Variants in TACR3 observed in about 807,000 individuals in gnomAD.
The protein encoded by TACR3 is tachykinin receptor 3.
In TACR3, 34 loss-of-function variants were observed where a neutral mutation model predicts 35.0. The ratio of observed to expected loss-of-function variants is 0.97; its 90% CI spans 0.74 to 1.30. The LOEUF is 1.30. TACR3 is among the 50% of genes most tolerant of loss of function. The probability of loss-of-function intolerance (pLI) is 0.00; values close to 1 mark genes in which losing one functional copy is unlikely to be tolerated. For missense variants in TACR3, 558 were observed against 591.7 expected, an observed-to-expected ratio of 0.94 and a Z score of 0.59; for synonymous variants, 233 against 221.1, an observed-to-expected ratio of 1.05 and a Z score of -0.48.
intron 1 of TACR3, among the ~76,000 whole-genome samples, chr4:103,668,078 C>T (rs1483427453): frequency 1.3e-5 from 2 of 152,110 alleles, no homozygotes; most frequent in African/African-American, 4.8e-5. Flanking sequence ...GTGATGAGCC[C>T]ACCTCAGTCT....
At chr4:103,686,080 G>T (rs765481619) in intron 1 of TACR3, among the ~76,000 whole-genome samples, 11 of 152,310 alleles carry the variant, frequency 7.2e-5, no homozygotes, top group South Asian at 6.2e-4. Context: ...CAAATCTGCA[G>T]TCTAGTTATA....
chr4:103,661,632 CAGTCTAATT>C (rs1725838163), intron 1 of TACR3, among the ~76,000 whole-genome samples: 1 of 152,060 alleles, frequency 6.6e-6, no homozygotes, highest in Admixed American at 6.6e-5. Flanking sequence ...TTCTTCTGGC[CAGTCTAATT>C]AGTCTAATGC....
chr4:103,694,336 C>T (rs900604310), intron 1 of TACR3, among the ~76,000 whole-genome samples: 1 of 151,434 alleles, frequency 6.6e-6, no homozygotes, highest in Non-Finnish European at 1.5e-5. Flanking sequence ...GACCCAGTTG[C>T]AAAATTCTGA....
At chr4:103,629,941 A>T (rs62340654) in intron 3 of TACR3, among the ~76,000 whole-genome samples, 13,810 of 151,840 alleles carry the variant, frequency 0.091, 967 homozygotes, top group Non-Finnish European at 0.13. Flanking sequence ...TTCAAACTAT[A>T]CTACAAGGCT....
At chr4:103,603,743 G>T (rs1053299463) in intron 3 of TACR3, among the ~76,000 whole-genome samples, 34 of 152,148 alleles carry the variant, frequency 2.2e-4, no homozygotes, top group Non-Finnish European at 4.7e-4. Context: ...TTGAGGAATT[G>T]CCACACTGTC....
intron 1 of TACR3, among the ~76,000 whole-genome samples, chr4:103,687,894 C>T (rs893946557): frequency 3.2e-4 from 48 of 152,262 alleles, no homozygotes; most frequent in Non-Finnish European, 4.9e-4. Context: ...TTAGAAAAAA[C>T]TACTTTAAAG....
At chr4:103,635,960 T>G (rs1725178643) in intron 3 of TACR3, among the ~76,000 whole-genome samples, 1 of 151,704 alleles carries the variant, frequency 6.6e-6, no homozygotes, top group Admixed American at 6.6e-5. Flanking sequence ...ACAGTCTCTC[T>G]CTCTTTCTCC....
chr4:103,637,838 A>G (rs1483152557), intron 3 of TACR3, among the ~76,000 whole-genome samples: 3 of 152,198 alleles, frequency 2.0e-5, no homozygotes, highest in Non-Finnish European at 4.4e-5. Context: ...CCCTTTCACA[A>G]TTGCTACAAA....
chr4:103,702,809 C>A (rs1356878552), intron 1 of TACR3, among the ~76,000 whole-genome samples: 7 of 148,530 alleles, frequency 4.7e-5, no homozygotes, highest in African/African-American at 1.0e-4. Flanking sequence ...GGACAAAAAA[C>A]CAAACATCAC....
At chr4:103,654,768 A>G (rs1560823771) in intron 3 of TACR3, among the ~76,000 whole-genome samples, 1 of 152,140 alleles carries the variant, frequency 6.6e-6, no homozygotes, top group Non-Finnish European at 1.5e-5. Flanking sequence ...TTATTCTGAA[A>G]TACATAGAAC....
At chr4:103,669,706 T>C (rs997088762) in intron 1 of TACR3, among the ~76,000 whole-genome samples, 8 of 152,108 alleles carry the variant, frequency 5.3e-5, no homozygotes, top group Non-Finnish European at 1.2e-4. Context: ...GTTTTTCTAT[T>C]GAGGTATTTG....
chr4:103,648,835 T>A (rs890851166), intron 3 of TACR3, among the ~76,000 whole-genome samples: 2 of 152,118 alleles, frequency 1.3e-5, no homozygotes, highest in African/African-American at 4.8e-5. Flanking sequence ...ATGGTAGTGC[T>A]ATTTTTATTT....
intron 1 of TACR3, among the ~76,000 whole-genome samples, chr4:103,659,168 C>T (rs183630981): frequency 6.6e-6 from 1 of 152,306 alleles, no homozygotes; most frequent in Non-Finnish European, 1.5e-5. Context: ...CCAGCCACCA[C>T]TCACTTCCTG....
At chr4:103,602,972 T>G (rs1724247006) in intron 3 of TACR3, among the ~76,000 whole-genome samples, 2 of 152,252 alleles carry the variant, frequency 1.3e-5, no homozygotes, top group South Asian at 4.1e-4. Flanking sequence ...TGTTTGTCTG[T>G]GCCCTACACC....
At chr4:103,698,675 A>G (rs1468784079) in intron 1 of TACR3, among the ~76,000 whole-genome samples, 2 of 152,138 alleles carry the variant, frequency 1.3e-5, no homozygotes, top group Non-Finnish European at 2.9e-5. Context: ...GAGAACTAAA[A>G]ATTTTTAATA....
At position 103,602,654 on chromosome 4, in the gene TACR3, C is replaced by T. The variant is rs187268464; in HGVS notation, c.889-10971G>A. On this transcript the variant is annotated intron_variant, in intron 3 of 4. Transcript: ENST00000304883. ...CTGTTGGAGTTTGCCTAGAGGTCCA[C>T]TGCAGACCCTGTTTGCCTGGGTATC... 4.1e-4 allele frequency among the ~76,000 whole-genome samples: 63 copies of T among 152,322 alleles called. No individual in the cohort carries two copies. In the East Asian group the frequency reaches 0.011, roughly 26 times the overall value.
At chr4:103,625,899 CTG>C (rs771099086) in intron 3 of TACR3, among the ~76,000 whole-genome samples, 2 of 152,130 alleles carry the variant, frequency 1.3e-5, no homozygotes, top group African/African-American at 2.4e-5. Flanking sequence ...CCAAAAATAA[CTG>C]TGCTTTTATC....
At chr4:103,609,772 C>A (rs879421617) in intron 3 of TACR3, among the ~76,000 whole-genome samples, 4 of 152,050 alleles carry the variant, frequency 2.6e-5, no homozygotes, top group African/African-American at 4.8e-5. Context: ...TGCCACTCTC[C>A]TCAGCCTCTG....
intron 1 of TACR3, among the ~76,000 whole-genome samples, chr4:103,717,907 T>C (rs1295789001): frequency 6.6e-6 from 1 of 152,062 alleles, no homozygotes; most frequent in Non-Finnish European, 1.5e-5. Flanking sequence ...AAGGGAAGAT[T>C]GACGATTTTA....
Sources: gnomAD v4.1 joint callset for allele counts (sites outside exome capture counted in the v4.1 genomes callset) on GRCh38, gnomAD v4.1.1 for gene constraint, MANE v1.5 for transcripts, NCBI Gene and HGNC (gene_info 2026-07-23, HGNC 2026-07-21) for gene names.